The following NCKAP5 variants were observed in gnomAD, a reference collection of about 807,000 sequenced individuals.
NCKAP5 encodes the protein NCK associated protein 5, also known as nck-associated protein 5.
A neutral mutation model predicts 167.0 loss-of-function variants in NCKAP5; 92 were observed. The observed-to-expected ratio is 0.55, with a 90% CI of 0.47 to 0.66. NCKAP5 has a LOEUF of 0.66. Ranked by LOEUF, NCKAP5 falls within the 30% of genes least tolerant of loss-of-function variation. The pLI, the probability that NCKAP5 is intolerant of heterozygous loss-of-function variation, is 0.00. For synonymous variants in NCKAP5, 891 were observed against 877.4 expected (o/e 1.02, Z -0.27); for missense variants, 2,378 against 2,315.0 (o/e 1.03, Z -0.56).
intron 4 of NCKAP5, chr2:133,284,788 T>G (rs2150484102): frequency 6.6e-6 from 1 of 152,332 alleles, no homozygotes; most frequent in South Asian, 2.1e-4. Flanking sequence ...TATCCACAAT[T>G]TCTTCTTTGA....
intron 9 of NCKAP5, among the ~76,000 whole-genome samples, chr2:132,870,965 C>G (rs945997145): frequency 2.0e-5 from 3 of 151,626 alleles, no homozygotes; most frequent in Non-Finnish European, 4.4e-5. Flanking sequence ...GATTTTTTTC[C>G]CATCAGAAGT....
At chr2:133,415,353 T>C (rs1427842007) in intron 3 of NCKAP5, among the ~76,000 whole-genome samples, 1 of 152,276 alleles carries the variant, frequency 6.6e-6, no homozygotes, top group African/African-American at 2.4e-5. Context: ...GTAATGGCTG[T>C]GACATCCAAG....
intron 8 of NCKAP5, among the ~76,000 whole-genome samples, chr2:132,901,465 T>C (rs1280711362): frequency 6.6e-6 from 1 of 152,218 alleles, no homozygotes; most frequent in Non-Finnish European, 1.5e-5. Flanking sequence ...GAGGAGACAC[T>C]GCTCACTTTA....
At chr2:132,992,691 T>A (rs777850766) in intron 7 of NCKAP5, among the ~76,000 whole-genome samples, 5 of 152,310 alleles carry the variant, frequency 3.3e-5, no homozygotes, top group African/African-American at 1.2e-4. Context: ...TTTTTTCCCT[T>A]TCTTTAGGTG....
the NCKAP5 span, among the ~76,000 whole-genome samples, chr2:133,607,121 C>T: frequency 6.6e-6 from 1 of 152,196 alleles, no homozygotes; most frequent in Non-Finnish European, 1.5e-5. Flanking sequence ...CAATTTATTA[C>T]ATCAGTATGT....
At chr2:133,187,881 G>A (rs2085019820) in intron 5 of NCKAP5, among the ~76,000 whole-genome samples, 1 of 151,998 alleles carries the variant, frequency 6.6e-6, no homozygotes, top group African/African-American at 2.4e-5. Context: ...TTGCACGTGA[G>A]ATGGGTCTCC....
At chr2:132,725,215 A>G (rs150742107) in intron 19 of NCKAP5, among the ~76,000 whole-genome samples, 61 of 152,362 alleles carry the variant, frequency 4.0e-4, no homozygotes, top group South Asian at 1.0e-3. Context: ...CCTGTTCATA[A>G]TGGCACAGCT....
intron 5 of NCKAP5, among the ~76,000 whole-genome samples, chr2:133,164,143 T>A (rs1400902119): frequency 2.0e-5 from 3 of 152,226 alleles, no homozygotes; most frequent in African/African-American, 7.2e-5. Flanking sequence ...AGGTCCATGC[T>A]ATGCAAGCAC....
At chr2:133,042,577 C>T (rs2079250588) in intron 6 of NCKAP5, among the ~76,000 whole-genome samples, 1 of 152,126 alleles carries the variant, frequency 6.6e-6, no homozygotes, top group African/African-American at 2.4e-5. Context: ...TTTAAAATTG[C>T]TCTATATTAA....
At chr2:132,742,723 A>G (rs2105598624) in intron 16 of NCKAP5, among the ~76,000 whole-genome samples, 1 of 152,082 alleles carries the variant, frequency 6.6e-6, no homozygotes, top group African/African-American at 2.4e-5. Context: ...AAGACTTCAC[A>G]ACCTTAAGCT....
the NCKAP5 span, among the ~76,000 whole-genome samples, chr2:133,642,766 A>G: frequency 6.6e-5 from 10 of 152,342 alleles, no homozygotes; most frequent in East Asian, 1.9e-3. Context: ...ACTGCAGATG[A>G]ACTAGATTCC....
At chr2:133,615,887 C>T in the NCKAP5 span, among the ~76,000 whole-genome samples, 3 of 151,636 alleles carry the variant, frequency 2.0e-5, no homozygotes, top group South Asian at 2.1e-4. Context: ...CCAAAATTGA[C>T]CACATAGTTG....
At position 132,725,580 on chromosome 2, in the gene NCKAP5, T is replaced by C. The variant is rs1443645106; in HGVS notation, c.5713+47A>G. 4.5e-6 allele frequency: 7 copies of C among 1,571,368 alleles called. 1 individual carries two copies. The South Asian group carries it at 7.2e-5, about 16-fold the overall frequency. On this transcript the variant is annotated intron_variant, in intron 19 of 19. Coordinates refer to ENST00000409261, the MANE Select transcript of NCKAP5 (RefSeq NM_207363.3). ...ACAGTGAAAGGTATAATCAGCGGCT[T>C]CCCAGAGAGAGGAACCTGCAGGGCC... is the stretch of plus-strand genomic sequence containing the variant.
intron 16 of NCKAP5, among the ~76,000 whole-genome samples, chr2:132,753,954 C>T (rs546989102): frequency 6.6e-6 from 1 of 152,296 alleles, no homozygotes; most frequent in East Asian, 1.9e-4. Flanking sequence ...GATGGATACC[C>T]AGCTCCCTCA....
intron 8 of NCKAP5, among the ~76,000 whole-genome samples, chr2:132,888,421 T>C (rs376819964): frequency 8.2e-4 from 125 of 152,316 alleles, no homozygotes; most frequent in African/African-American, 2.7e-3. Context: ...AGACAGGGTC[T>C]CTTGCCACTC....
chr2:133,449,148 A>G (rs1007022859), intron 3 of NCKAP5, among the ~76,000 whole-genome samples: 4 of 152,214 alleles, frequency 2.6e-5, no homozygotes, highest in Non-Finnish European at 5.9e-5. Flanking sequence ...AATCAAGGGT[A>G]GTTTTAGATT....
chr2:133,083,377 A>G (rs1281557466), intron 6 of NCKAP5, among the ~76,000 whole-genome samples: 1 of 152,156 alleles, frequency 6.6e-6, no homozygotes, highest in Non-Finnish European at 1.5e-5. Flanking sequence ...ATGGACAGCA[A>G]TGGAACTGGA....
At chr2:133,032,500 A>G (rs1411747609) in intron 6 of NCKAP5, among the ~76,000 whole-genome samples, 2 of 152,152 alleles carry the variant, frequency 1.3e-5, no homozygotes, top group African/African-American at 2.4e-5. Context: ...TGACTCCCAG[A>G]TGGCACTTAT....
chr2:133,205,568 A>T (rs1342183146), intron 5 of NCKAP5, among the ~76,000 whole-genome samples: 1 of 152,124 alleles, frequency 6.6e-6, no homozygotes, highest in Non-Finnish European at 1.5e-5. Context: ...ATATCCTTCC[A>T]TTATCTTCAT....
Sources: gnomAD v4.1 joint callset for allele counts (sites outside exome capture counted in the v4.1 genomes callset) on GRCh38, gnomAD v4.1.1 for gene constraint, MANE v1.5 for transcripts, NCBI Gene and HGNC (gene_info 2026-07-23, HGNC 2026-07-21) for gene names.